Variants in PCNX4 observed in about 807,000 individuals in gnomAD.
PCNX4 encodes pecanex-like protein 4.
In PCNX4, 103 loss-of-function variants were observed where a neutral mutation model predicts 107.2. The ratio of observed to expected loss-of-function variants is 0.96; its 90% confidence interval spans 0.82 to 1.13. PCNX4 has a LOEUF of 1.13. Among genes scored for constraint, PCNX4 ranks in the 50% most tolerant of loss-of-function variants. PCNX4 has a pLI of 0.00. For missense variants in PCNX4, 1,528 were observed against 1,379.4 expected (o/e 1.11, Z -1.71); for synonymous variants, 541 against 481.7 (o/e 1.12, Z -1.61).
In PCNX4 at chr14:60,132,438, T is replaced by C. The variant is rs74545275; in HGVS notation, c.3268-1532T>C. Among the ~76,000 whole-genome samples the C allele has an allele frequency of 3.6e-3, 546 of 152,270 alleles. 5 individuals carry two copies. Among genetic ancestry groups the C allele is most frequent in the African/African-American group, 0.013 (523 of 41,558 alleles). On this transcript the variant is annotated intron_variant, in intron 10 of 10. Transcript: ENST00000406854. Reference sequence around the variant, plus strand: ...ATTTAACCCACTACAGACCTTACTTTATATACGGTATTTTTAAAATAACTC... The same window carrying C: ...ATTTAACCCACTACAGACCTTACTTCATATACGGTATTTTTAAAATAACTC...
In PCNX4 at chr14:60,124,636, C is replaced by A; in HGVS notation, c.2465C>A (p.Ser822Tyr). 1 of 1,613,688 alleles carries A rather than the reference C, an allele frequency of 6.2e-7. No individual in the cohort carries two copies. The highest frequency in any genetic ancestry group is 1.1e-5 in the South Asian group (1 of 91,056). The change falls in exon 9 of 11, where the codon TCT becomes TAT. Residue 822 changes from serine (S) to tyrosine (Y), a missense_variant. Coordinates refer to ENST00000406854, the MANE Select transcript of PCNX4 (RefSeq NM_001330177.2). ...SLNSETFNDWSDDNIFDDEPT... is the reference protein window; with the variant it reads ...SLNSETFNDWYDDNIFDDEPT... The stretch of plus-strand genomic sequence containing the variant: ...AATTCAGAAACTTTTAATGACTGGT[C>A]TGATGATAATATTTTTGATGATGAG...
chr14:60,132,369 A>T (rs954458120), intron 10 of PCNX4, among the ~76,000 whole-genome samples: 11 of 152,200 alleles, frequency 7.2e-5, no homozygotes, highest in African/African-American at 2.7e-4. Context: ...CAAAGTACCC[A>T]TTCCAAATAA....
At chr14:60,097,679 A>G (rs1895451005) in intron 1 of PCNX4, among the ~76,000 whole-genome samples, 1 of 152,224 alleles carries the variant, frequency 6.6e-6, no homozygotes, top group Non-Finnish European at 1.5e-5. Flanking sequence ...GAATACCAAA[A>G]CAACCAGACA....
At chr14:60,097,604 T>C (rs1317371105) in intron 1 of PCNX4, among the ~76,000 whole-genome samples, 1 of 152,210 alleles carries the variant, frequency 6.6e-6, no homozygotes, top group East Asian at 1.9e-4. Context: ...GAATGTTGTT[T>C]CTATCTCAAC....
intron 7 of PCNX4, among the ~76,000 whole-genome samples, chr14:60,120,160 A>G (rs567465883): frequency 1.4e-4 from 22 of 152,302 alleles, no homozygotes; most frequent in African/African-American, 5.1e-4. Context: ...GAAAAATCAT[A>G]AGGAGTAAAA....
chr14:60,115,773 T>C lies in PCNX4; in HGVS notation c.1412T>C (p.Leu471Pro). 6.2e-7 allele frequency: 1 copy of C among 1,613,432 alleles called. No individual in the cohort carries two copies. Among genetic ancestry groups the C allele is most frequent in the Non-Finnish European group, 8.5e-7 (1 of 1,179,490 alleles). Residue 471 changes from leucine to proline, a missense_variant, in exon 5 of 11, where the codon CTC becomes CCC. Physicochemically the swap from Leu to Pro is moderately conservative, Grantham distance 98 (BLOSUM62 -3). Coordinates refer to ENST00000406854, the MANE Select transcript of PCNX4 (RefSeq NM_001330177.2). Reference protein sequence around the residue: ...FLSLDSSLQGLHSVSVCIGFT... With the variant: ...FLSLDSSLQGPHSVSVCIGFT... ...TCATTGGACAGTTCCTTACAAGGGC[T>C]CCACTCAGTGTCTGTCTGTATTGGA...
At chr14:60,095,097 C>T (rs370563053) in intron 1 of PCNX4, among the ~76,000 whole-genome samples, 22 of 152,080 alleles carry the variant, frequency 1.4e-4, no homozygotes, top group Admixed American at 9.2e-4. Flanking sequence ...AGGACGTGCC[C>T]GGGAGGCAAG....
chr14:60,121,123 T>G (rs577878906), intron 7 of PCNX4, 73 bp from the exon 8 acceptor site: 1 of 1,508,458 alleles, frequency 6.6e-7, no homozygotes, highest in African/African-American at 1.4e-5. Context: ...GTTTTGAAGA[T>G]TCACATGGCA....
At position 60,128,064 on chromosome 14, in the gene PCNX4, G is replaced by T. The variant is rs553712757; in HGVS notation, c.3267+2241G>T. Among the ~76,000 whole-genome samples, 4 of 152,046 alleles carry T rather than the reference G, an allele frequency of 2.6e-5. No homozygotes were observed. In the South Asian group the frequency reaches 8.3e-4, roughly 32 times the overall value. On this transcript the variant is annotated intron_variant, in intron 10 of 10. Coordinates refer to ENST00000406854, the MANE Select transcript of PCNX4 (RefSeq NM_001330177.2). Reference sequence around the variant, plus strand: ...ATTATGCAATCCAAAGAAGAGAAAAGAATGAATAAAAAGGAAGAGAGCTTC... The same window carrying T: ...ATTATGCAATCCAAAGAAGAGAAAATAATGAATAAAAAGGAAGAGAGCTTC...
intron 1 of PCNX4, among the ~76,000 whole-genome samples, chr14:60,104,670 G>A (rs1173169097): frequency 6.6e-6 from 1 of 152,190 alleles, no homozygotes; most frequent in East Asian, 1.9e-4. Flanking sequence ...CAGCAGACGA[G>A]AGAAAATCAG....
At chr14:60,097,058 C>G (rs1194850814) in intron 1 of PCNX4, among the ~76,000 whole-genome samples, 1 of 100,390 alleles carries the variant, frequency 1.0e-5, no homozygotes, top group Non-Finnish European at 2.4e-5. Flanking sequence ...AGTTTAAATT[C>G]TGATTTTTCT....
rs767530554 is a variant in PCNX4, at chr14:60,124,818, T to G, written c.2647T>G (p.Tyr883Asp). 1 of 1,613,800 alleles carries G rather than the reference T, an allele frequency of 6.2e-7. No homozygotes were observed. The highest frequency in any genetic ancestry group is 8.5e-7 in the Non-Finnish European group (1 of 1,179,780). ...NDLYKAVLLG[Y>D]PAVDKGKQED... is the part of the protein sequence containing the mutation. ...TCTTTACAAAGCAGTTCTATTAGGA[T>G]ACCCTGCTGTTGACAAAGGAAAACA... The change falls in exon 9 of 11, where the codon TAC becomes GAC. Residue 883 changes from tyrosine to aspartate, a missense_variant. Physicochemically the swap from Tyr to Asp is radical, Grantham distance 160. Coordinates refer to ENST00000406854, the MANE Select transcript of PCNX4 (RefSeq NM_001330177.2).
rs1376444651 is a variant in PCNX4 at position 60,143,892 on chromosome 14, GTGTTAAA to G, written c.*9679_*9685del. 1 of 152,230 alleles carries G rather than the reference GTGTTAAA, an allele frequency of 6.6e-6. No individual in the cohort carries two copies. The highest frequency in any genetic ancestry group is 2.4e-5 in the African/African-American group (1 of 41,464). 9.4% of individuals were successfully genotyped at this position (152,230 alleles called of 1,614,324 possible). On this transcript the variant is annotated 3_prime_UTR_variant, in exon 11 of 11. Coordinates refer to ENST00000406854, the MANE Select transcript of PCNX4 (RefSeq NM_001330177.2). The stretch of plus-strand genomic sequence containing the variant: ...GCCTGTGCATGTTTTCTGCTGTAAG[GTGTTAAA>G]TGTTAAAGTAAAATTAATAATAGTA...
rs751805585 is a variant in PCNX4, at chr14:60,134,092, C to T, written c.3390C>T (p.Asn1130=). 4.7e-5 allele frequency: 76 copies of T among 1,613,710 alleles called. 1 individual carries two copies. Among genetic ancestry groups the T allele is most frequent in the Non-Finnish European group, 6.3e-5 (74 of 1,179,816 alleles). Reference sequence around the variant, plus strand: ...CATGGGAATTACTTTATGCCACAAACGATGATGAAGAACGTTATAGTATAC... The same window carrying T: ...CATGGGAATTACTTTATGCCACAAATGATGATGAAGAACGTTATAGTATAC... ...NLSWELLYAT[N]DDEERYSIQA... The change falls in exon 11 of 11, where the codon AAC becomes AAT. Residue 1130 remains asparagine, a synonymous_variant. Transcript: ENST00000406854.
chr14:60,098,862 C>T (rs1341909098), intron 1 of PCNX4, among the ~76,000 whole-genome samples: 2 of 151,464 alleles, frequency 1.3e-5, no homozygotes, highest in African/African-American at 4.9e-5. Flanking sequence ...CGCTTGAACC[C>T]GAGAGGCGGA....
In PCNX4 at chr14:60,124,822, C is replaced by T. The variant is rs760696669; in HGVS notation, c.2651C>T (p.Pro884Leu). Reference protein sequence around the residue: ...DLYKAVLLGYPAVDKGKQEDM... With the variant: ...DLYKAVLLGYLAVDKGKQEDM... ...TACAAAGCAGTTCTATTAGGATACCCTGCTGTTGACAAAGGAAAACAAGAG... is the reference window on the plus strand; with the variant it reads ...TACAAAGCAGTTCTATTAGGATACCTTGCTGTTGACAAAGGAAAACAAGAG... The change falls in exon 9 of 11, where the codon CCT becomes CTT. Residue 884 changes from proline to leucine, a missense_variant. Transcript: ENST00000406854. 1 of 1,613,756 alleles carries T rather than the reference C, an allele frequency of 6.2e-7. No homozygotes were observed. The highest frequency in any genetic ancestry group is 1.1e-5 in the South Asian group (1 of 91,086).
rs1007882811 is a variant in PCNX4 at position 60,134,329 on chromosome 14, A to C, written c.*108A>C. ...AGGACTTCTCCACACCCCCATTCAG[A>C]TGCCTGAGAACAGCTAAGCTCCGTA... On this transcript the variant is annotated 3_prime_UTR_variant, in exon 11 of 11. Coordinates refer to ENST00000406854, the MANE Select transcript of PCNX4 (RefSeq NM_001330177.2). The C allele has an allele frequency of 7.4e-7, 1 of 1,358,494 alleles. No individual in the cohort carries two copies. Among genetic ancestry groups the C allele is most frequent in the Non-Finnish European group, 1.0e-6 (1 of 987,970 alleles). 84.2% of individuals were successfully genotyped at this position (1,358,494 alleles called of 1,614,324 possible).
At position 60,145,609 on chromosome 14, in the gene PCNX4, G is replaced by A. The variant is rs1227790759; in HGVS notation, c.*11388G>A. The A allele has an allele frequency of 6.6e-6, 1 of 152,124 alleles. No homozygotes were observed. 9.4% of individuals were successfully genotyped at this position (152,124 alleles called of 1,614,324 possible). A position where few individuals can be genotyped will look rare whatever the true frequency, so the allele number is the denominator to read the frequency against. On this transcript the variant is annotated 3_prime_UTR_variant, in exon 11 of 11. Transcript: ENST00000406854. This position sits in a 1 kb window ranked among gnomAD's most constrained non-coding sequence, Gnocchi z 4.0. The stretch of plus-strand genomic sequence containing the variant: ...GAATTGCTTGAATCCAGGAGGCGGA[G>A]GTTGCAGTGAGCTGAGACTGCGCCA...
chr14:60,133,792 C>A, intron 10 of PCNX4, 178 bp from the exon 11 acceptor site: 1 of 683,716 alleles, frequency 1.5e-6, no homozygotes, highest in Non-Finnish European at 2.5e-6. Flanking sequence ...AGAGGTAATT[C>A]TTGATTCTGA....
Sources: allele counts gnomAD v4.1 joint callset (sites outside exome capture counted in the v4.1 genomes callset), GRCh38; gene constraint gnomAD v4.1.1; non-coding constraint Gnocchi (gnomAD v3.1); transcripts MANE v1.5; gene names NCBI Gene and HGNC (gene_info 2026-07-23, HGNC 2026-07-21).